DAB1: variants seen among roughly 807,000 people sequenced by gnomAD.
DAB1 encodes the protein disabled homolog 1.
DAB1 carries 15 observed loss-of-function variants against 64.6 expected under a neutral mutation model. That is an observed-to-expected ratio of 0.23 (90% confidence interval 0.16 to 0.36). The LOEUF is 0.36. DAB1 is among the 10% of genes least tolerant of loss of function. The probability of loss-of-function intolerance (pLI) is 1.00; values close to 1 mark genes in which losing one functional copy is unlikely to be tolerated. For missense variants in DAB1, 596 were observed against 706.7 expected (o/e 0.84, Z 1.78); for synonymous variants, 235 against 251.9 (o/e 0.93, Z 0.64).
chr1:57,632,686 A>G (rs1196046174), intron 7 of DAB1, among the ~76,000 whole-genome samples: 1 of 152,200 alleles, frequency 6.6e-6, no homozygotes, highest in African/African-American at 2.4e-5. Context: ...ACTCATGGTA[A>G]GAGGAAGTCA....
chr1:58,499,636 A>C (rs1645870427), intron 3 of DAB1, among the ~76,000 whole-genome samples: 2 of 152,346 alleles, frequency 1.3e-5, no homozygotes, highest in East Asian at 3.9e-4. Flanking sequence ...AATTGCTAAG[A>C]GAATAGATTT....
intron 6 of DAB1, among the ~76,000 whole-genome samples, chr1:57,700,989 C>G (rs1163689126): frequency 3.3e-5 from 5 of 152,196 alleles, no homozygotes; most frequent in South Asian, 4.1e-4. Context: ...AAATGCAAAT[C>G]AAAACCACAA....
chr1:57,895,889 G>A (rs1378044214), intron 5 of DAB1, among the ~76,000 whole-genome samples: 1 of 152,186 alleles, frequency 6.6e-6, no homozygotes. Flanking sequence ...TTTACAGCCT[G>A]TGAAAGAGCT....
intron 6 of DAB1, among the ~76,000 whole-genome samples, chr1:57,662,763 G>T (rs1183153586): frequency 6.6e-6 from 1 of 152,200 alleles, no homozygotes; most frequent in Non-Finnish European, 1.5e-5. Context: ...CAGCTCAAGT[G>T]CTTGCCTCCA....
At chr1:57,983,981 T>G (rs764698770) in intron 5 of DAB1, among the ~76,000 whole-genome samples, 9 of 152,042 alleles carry the variant, frequency 5.9e-5, no homozygotes, top group African/African-American at 9.7e-5. Context: ...CACGCGCACA[T>G]GCACATGTGC....
At chr1:57,537,295 T>G (rs1644741808) in intron 7 of DAB1, among the ~76,000 whole-genome samples, 1 of 152,124 alleles carries the variant, frequency 6.6e-6, no homozygotes, top group Non-Finnish European at 1.5e-5. Flanking sequence ...AAAGAGAGAT[T>G]CCAGGTCTCC....
intron 2 of DAB1, among the ~76,000 whole-genome samples, chr1:57,271,200 G>A (rs1363271320): frequency 6.6e-6 from 1 of 152,076 alleles, no homozygotes; most frequent in Non-Finnish European, 1.5e-5. Context: ...CAAGCTAATT[G>A]GCATGAACAC....
At chr1:58,025,441 A>C (rs942887409) in intron 5 of DAB1, among the ~76,000 whole-genome samples, 1 of 151,862 alleles carries the variant, frequency 6.6e-6, no homozygotes, top group Admixed American at 6.6e-5. Flanking sequence ...TGAGAAAACT[A>C]GAAACCAAAG....
Position 57,520,015 on chromosome 1 carries a change from T to G in DAB1, n.625+129577A>C, listed in dbSNP as rs930778967. Among the ~76,000 whole-genome samples, 3 of 152,180 alleles carry G rather than the reference T, an allele frequency of 2.0e-5. No individual in the cohort carries two copies. In the East Asian group the frequency reaches 5.8e-4, roughly 29 times the overall value. ...TTGGAAAGGTCAATTCTTAAAAACA[T>G]GACATGGCTTTAGGTTATGTTCTGA... On this transcript the variant is annotated intron_variant and non_coding_transcript_variant, in intron 7 of 20. Coordinates refer to the DAB1 transcript ENST00000485760.
chr1:57,450,670 A>G (rs934980039), intron 7 of DAB1, among the ~76,000 whole-genome samples: 1 of 152,236 alleles, frequency 6.6e-6, no homozygotes, highest in Non-Finnish European at 1.5e-5. Flanking sequence ...AAACATGAAT[A>G]AAACATGTGC....
chr1:57,488,736 C>T (rs946003002), intron 7 of DAB1, among the ~76,000 whole-genome samples: 2 of 151,776 alleles, frequency 1.3e-5, no homozygotes, highest in African/African-American at 4.8e-5. Context: ...TGCTGCACTG[C>T]CAGATAACAT....
intron 9 of DAB1, among the ~76,000 whole-genome samples, chr1:57,041,872 A>G (rs1246062881): frequency 1.3e-5 from 2 of 152,198 alleles, no homozygotes; most frequent in African/African-American, 4.8e-5. Context: ...CCCTGTATTT[A>G]TTTCAAATCA....
At chr1:57,509,158 T>C (rs763787004) in intron 7 of DAB1, among the ~76,000 whole-genome samples, 5 of 152,174 alleles carry the variant, frequency 3.3e-5, no homozygotes, top group Non-Finnish European at 7.3e-5. Flanking sequence ...ATTTAGATTT[T>C]CTGATCCTCA....
At chr1:57,800,908 T>C (rs1651095446) in intron 6 of DAB1, among the ~76,000 whole-genome samples, 1 of 152,184 alleles carries the variant, frequency 6.6e-6, no homozygotes, top group South Asian at 2.1e-4. Flanking sequence ...TATGGATTCA[T>C]TCATTTATTC....
chr1:57,188,878 TCTTAA>T (rs1405184205), intron 2 of DAB1, among the ~76,000 whole-genome samples: 3 of 152,328 alleles, frequency 2.0e-5, no homozygotes, highest in African/African-American at 7.2e-5. Context: ...AAATAGATCA[TCTTAA>T]AAAATTTTCT....
intron 4 of DAB1, among the ~76,000 whole-genome samples, chr1:58,208,784 C>G (rs186485797): frequency 6.6e-6 from 1 of 152,154 alleles, no homozygotes; most frequent in African/African-American, 2.4e-5. Flanking sequence ...ATAATGACTT[C>G]TTTTCCTCTG....
At chr1:57,950,691 C>G (rs571474084) in intron 5 of DAB1, among the ~76,000 whole-genome samples, 2 of 152,292 alleles carry the variant, frequency 1.3e-5, no homozygotes, top group South Asian at 2.1e-4. Context: ...CTGGAATACC[C>G]TCTCTGTCAT....
chr1:58,456,556 C>T (rs972045495), intron 3 of DAB1, among the ~76,000 whole-genome samples: 6 of 152,020 alleles, frequency 3.9e-5, no homozygotes, highest in African/African-American at 7.2e-5. Flanking sequence ...TGAGTGAGGA[C>T]GGCAGAAGGA....
chr1:57,299,018 A>G (rs916729348), intron 1 of DAB1, among the ~76,000 whole-genome samples: 3 of 152,222 alleles, frequency 2.0e-5, no homozygotes, highest in African/African-American at 7.2e-5. Flanking sequence ...TCTGAAAGAG[A>G]ATATTCCACA....
Sources: allele counts gnomAD v4.1 joint callset (sites outside exome capture counted in the v4.1 genomes callset), GRCh38; gene constraint gnomAD v4.1.1; transcripts MANE v1.5; gene names NCBI Gene and HGNC (gene_info 2026-07-23, HGNC 2026-07-21).